CKAP2: variants seen among roughly 807,000 people sequenced by gnomAD.
The protein encoded by CKAP2 is cytoskeleton associated protein 2.
Under a neutral mutation model 58.4 loss-of-function variants are expected in CKAP2, and 46 were observed. That is an observed-to-expected ratio of 0.79 (90% confidence interval 0.62 to 1.01). CKAP2 has a LOEUF of 1.01. Ranked by LOEUF, CKAP2 falls within the 50% of genes least tolerant of loss-of-function variation. The pLI is 0.00. For synonymous variants in CKAP2, 293 were observed against 280.9 expected, an observed-to-expected ratio of 1.04 and a Z score of -0.43; for missense variants, 809 against 796.4, an observed-to-expected ratio of 1.02 and a Z score of -0.19.
intron 7 of CKAP2, among the ~76,000 whole-genome samples, chr13:52,472,389 C>A (rs1398041761): frequency 6.6e-6 from 1 of 152,182 alleles, no homozygotes; most frequent in East Asian, 1.9e-4. Flanking sequence ...AATCTATATT[C>A]TTTTCTCTCC....
In CKAP2 at chr13:52,455,635, C is replaced by CGCGGTGGCGGTG. The variant is rs72440971; in HGVS notation, c.70+38_70+49dup. 2.9e-4 allele frequency: 449 copies of CGCGGTGGCGGTG among 1,563,076 alleles called. No individual in the cohort carries two copies. Among genetic ancestry groups the CGCGGTGGCGGTG allele is most frequent in the African/African-American group, 5.1e-4 (36 of 70,232 alleles). On this transcript the variant is annotated intron_variant, in intron 1 of 8. Coordinates refer to ENST00000258607, the MANE Select transcript of CKAP2 (RefSeq NM_018204.5). The stretch of plus-strand genomic sequence containing the variant: ...GCAGTCCGCATTCAAAGGTGAAGGC[C>CGCGGTGGCGGTG]GCGGTGGCGGTGGCGGTGGCGGTGG...
At chr13:52,466,333 A>AT (rs1274028355) in intron 6 of CKAP2, among the ~76,000 whole-genome samples, 1 of 152,300 alleles carries the variant, frequency 6.6e-6, no homozygotes, top group Non-Finnish European at 1.5e-5. Flanking sequence ...TACATAGATA[A>AT]TTTTTTAAAA....
At chr13:52,468,118 C>T (rs1161089542) in intron 6 of CKAP2, among the ~76,000 whole-genome samples, 160 bp from the exon 7 acceptor site, 1 of 152,140 alleles carries the variant, frequency 6.6e-6, no homozygotes, top group African/African-American at 2.4e-5. Context: ...CCAAGACAGC[C>T]ATTTTTCAAT....
At chr13:52,473,679 C>T (rs1010137075) in intron 7 of CKAP2, 150 bp from the exon 8 acceptor site, 1 of 598,592 alleles carries the variant, frequency 1.7e-6, no homozygotes, top group South Asian at 2.4e-5. Context: ...TAGTTGGCAG[C>T]AGTATTTGCT....
At chr13:52,465,772 G>C in intron 6 of CKAP2, 1 of 476,448 alleles carries the variant, frequency 2.1e-6, no homozygotes. Flanking sequence ...TTTACTGGGA[G>C]ACTGAATGTA....
chr13:52,471,822 C>T (rs1404257639), intron 7 of CKAP2, among the ~76,000 whole-genome samples: 1 of 152,134 alleles, frequency 6.6e-6, no homozygotes, highest in Non-Finnish European at 1.5e-5. Flanking sequence ...TCAAGATGAC[C>T]TACACGCTTA....
rs66481844 is a variant in CKAP2 at position 52,464,553 on chromosome 13, CAA to C, written c.1306-722_1306-721del. ...GGGCAACAAGAGCAAAACTCCGTCT[CAA>C]AAAAAAAAAAAAAAAAAAACAATCC... is the stretch of plus-strand genomic sequence containing the variant. On this transcript the variant is annotated intron_variant, in intron 5 of 8. Transcript: ENST00000258607. 3.5e-3 allele frequency among the ~76,000 whole-genome samples: 280 copies of C among 80,102 alleles called. 1 individual carries two copies. The highest frequency in any genetic ancestry group is 0.012 in the Middle Eastern group (2 of 166). 52.6% of individuals were successfully genotyped at this position (80,102 alleles called of 152,430 possible).
intron 6 of CKAP2, among the ~76,000 whole-genome samples, chr13:52,466,709 A>G (rs1161042180): frequency 6.6e-6 from 1 of 152,230 alleles, no homozygotes; most frequent in East Asian, 1.9e-4. Context: ...ACAGTAGTGG[A>G]TACCTATAGT....
intron 2 of CKAP2, among the ~76,000 whole-genome samples, chr13:52,458,025 A>G (rs1958515815): frequency 6.6e-6 from 1 of 152,216 alleles, no homozygotes; most frequent in Admixed American, 6.5e-5. Context: ...AACTTTGTGT[A>G]AGTTTGGCAT....
At chr13:52,461,027 C>G (rs1958565525) in intron 3 of CKAP2, 31 bp from the exon 4 acceptor site, 1 of 1,603,124 alleles carries the variant, frequency 6.2e-7, no homozygotes, top group African/African-American at 1.3e-5. Context: ...TTTTGCCTTT[C>G]CTAAACACTT....
At position 52,462,409 on chromosome 13, in the gene CKAP2, A is replaced by G. The variant is rs768219676; in HGVS notation, c.1147A>G (p.Arg383Gly). ...AGCTGGCAAAGGAAGAGTGCTAAAA[A>G]GGCCCCCTAATTCAGTAGTTACTCA... ...WKAGKGRVLKRPPNSVVTQHE... is the reference protein window; with the variant it reads ...WKAGKGRVLKGPPNSVVTQHE... Residue 383 changes from arginine (R) to glycine (G), a missense_variant, in exon 5 of 9, where the codon AGG becomes GGG. Transcript: ENST00000258607. 4 of 1,613,982 alleles carry G rather than the reference A, an allele frequency of 2.5e-6. No homozygotes were observed. Among genetic ancestry groups the G allele is most frequent in the African/African-American group, 1.3e-5 (1 of 74,928 alleles).
chr13:52,455,692 C>A, intron 1 of CKAP2, 66 bp downstream of exon 1: 1 of 1,385,512 alleles, frequency 7.2e-7, no homozygotes, highest in East Asian at 2.9e-5. Flanking sequence ...GCCCGGCGGT[C>A]GGGGCTCGGG....
At chr13:52,464,553 C>CAAAAAA (rs66481844) in intron 5 of CKAP2, among the ~76,000 whole-genome samples, 3 of 80,104 alleles carry the variant, frequency 3.7e-5, no homozygotes, top group Non-Finnish European at 7.1e-5. Context: ...AACTCCGTCT[C>CAAAAAA]AAAAAAAAAA....
rs1431000333 is a variant in CKAP2, at chr13:52,464,911, G to GT, written c.1306-381dup. Among the ~76,000 whole-genome samples the GT allele has an allele frequency of 2.0e-5, 3 of 152,112 alleles. No homozygotes were observed. The East Asian group carries it at 5.8e-4, about 29-fold the overall frequency. On this transcript the variant is annotated intron_variant, in intron 5 of 8. Coordinates refer to ENST00000258607, the MANE Select transcript of CKAP2 (RefSeq NM_018204.5). Reference sequence around the variant, plus strand: ...TAGAATTAGAGTTTATTTCTGCTCAGTTTAAGTTTTTCCTTTTGATACTAT... The same window carrying GT: ...TAGAATTAGAGTTTATTTCTGCTCAGTTTTAAGTTTTTCCTTTTGATACTAT...
chr13:52,460,779 T>A, intron 2 of CKAP2, 120 bp from the exon 3 acceptor site: 1 of 797,622 alleles, frequency 1.3e-6, no homozygotes, highest in Admixed American at 5.2e-5. Flanking sequence ...ACTCAGGTCT[T>A]TTTTAAATTT....
In CKAP2 at chr13:52,475,252, C is replaced by T; in HGVS notation, c.*111C>T. On this transcript the variant is annotated 3_prime_UTR_variant, in exon 9 of 9. Coordinates refer to ENST00000258607, the MANE Select transcript of CKAP2 (RefSeq NM_018204.5). Reference sequence around the variant, plus strand: ...GGAGTTGGCCATGTACCTATGTATCCTAAGCATTCACGGCAGTGAGCTCCT... The same window carrying T: ...GGAGTTGGCCATGTACCTATGTATCTTAAGCATTCACGGCAGTGAGCTCCT... 13 of 1,328,818 alleles carry T rather than the reference C, an allele frequency of 9.8e-6. No homozygotes were observed. The highest frequency in any genetic ancestry group is 1.2e-5 in the Non-Finnish European group (12 of 978,674). 82.3% of individuals were successfully genotyped at this position (1,328,818 alleles called of 1,614,324 possible).
intron 7 of CKAP2, among the ~76,000 whole-genome samples, chr13:52,472,171 A>G (rs1958769374): frequency 6.6e-6 from 1 of 151,706 alleles, no homozygotes; most frequent in African/African-American, 2.4e-5. Context: ...TCTCCTCTCA[A>G]CCTAGGTTTA....
intron 2 of CKAP2, among the ~76,000 whole-genome samples, chr13:52,458,644 C>G (rs554662765): frequency 3.3e-4 from 51 of 152,258 alleles, no homozygotes; most frequent in African/African-American, 1.2e-3. Flanking sequence ...GGGTGTATCA[C>G]TTGAGGTCAA....
At chr13:52,461,967 A>G (rs1408957462) in intron 4 of CKAP2, 41 bp downstream of exon 4, 8 of 1,482,772 alleles carry the variant, frequency 5.4e-6, no homozygotes, top group Non-Finnish European at 7.2e-6. Flanking sequence ...AGTTTTCAAT[A>G]AAGTACTGTT....
Sources: gnomAD v4.1 joint callset for allele counts (sites outside exome capture counted in the v4.1 genomes callset) on GRCh38, gnomAD v4.1.1 for gene constraint, MANE v1.5 for transcripts, NCBI Gene and HGNC (gene_info 2026-07-23, HGNC 2026-07-21) for gene names.